The following CTNNA3 variants were observed in gnomAD, a reference collection of about 807,000 sequenced individuals.
The protein encoded by CTNNA3 is catenin alpha-3.
Under a neutral mutation model 95.7 loss-of-function variants are expected in CTNNA3, and 76 were observed. The observed-to-expected ratio is 0.79, with a 90% CI of 0.66 to 0.96. The LOEUF is 0.96. CTNNA3 is among the 40% of genes least tolerant of loss of function. The pLI is 0.00. For missense variants in CTNNA3, 1,191 were observed against 1,089.8 expected, an observed-to-expected ratio of 1.09 and a Z score of -1.31; for synonymous variants, 431 against 374.4, an observed-to-expected ratio of 1.15 and a Z score of -1.74.
chr10:67,597,199 T>G (rs1842958011), intron 3 of CTNNA3, among the ~76,000 whole-genome samples: 1 of 152,234 alleles, frequency 6.6e-6, no homozygotes, highest in Non-Finnish European at 1.5e-5. Flanking sequence ...TGGATTGGGT[T>G]TCAACTTTCT....
At chr10:67,538,574 C>A (rs1476111886) in intron 4 of CTNNA3, among the ~76,000 whole-genome samples, 20 of 140,138 alleles carry the variant, frequency 1.4e-4, no homozygotes, top group African/African-American at 5.0e-4. Flanking sequence ...TGCGAGACTC[C>A]ATCTCAAAAA....
intron 5 of CTNNA3, among the ~76,000 whole-genome samples, chr10:67,416,524 C>T (rs980306057): frequency 1.2e-4 from 18 of 144,794 alleles, no homozygotes; most frequent in East Asian, 8.9e-4. Flanking sequence ...AGGAGAATGG[C>T]GTGAACCCGG....
chr10:67,442,018 G>A (rs988349378), intron 5 of CTNNA3, among the ~76,000 whole-genome samples: 1 of 152,074 alleles, frequency 6.6e-6, no homozygotes, highest in African/African-American at 2.4e-5. Flanking sequence ...AGTGCAATAA[G>A]GCATAAGCAG....
intron 5 of CTNNA3, among the ~76,000 whole-genome samples, chr10:67,509,881 A>G (rs1421015634): frequency 1.3e-5 from 2 of 152,176 alleles, no homozygotes; most frequent in Admixed American, 1.3e-4. Context: ...AATGACTGCC[A>G]TTCTAACTGG....
intron 12 of CTNNA3, among the ~76,000 whole-genome samples, chr10:66,305,620 TC>T (rs1354448142): frequency 2.0e-5 from 3 of 152,170 alleles, no homozygotes. Flanking sequence ...GGTGAAGTCT[TC>T]CTGTTCATGA....
intron 13 of CTNNA3, among the ~76,000 whole-genome samples, chr10:66,117,196 G>C (rs1242644713): frequency 6.6e-6 from 1 of 152,012 alleles, no homozygotes; most frequent in Non-Finnish European, 1.5e-5. Context: ...TGATAGCCTT[G>C]GGGTTTTATA....
chr10:67,088,570 C>G (rs564123870), intron 7 of CTNNA3, among the ~76,000 whole-genome samples: 2 of 151,922 alleles, frequency 1.3e-5, no homozygotes, highest in South Asian at 2.1e-4. Context: ...TGCAAGACAC[C>G]CATAAAGCTA....
chr10:66,530,726 A>G (rs1841436674), intron 10 of CTNNA3, among the ~76,000 whole-genome samples: 1 of 152,128 alleles, frequency 6.6e-6, no homozygotes, highest in Non-Finnish European at 1.5e-5. Context: ...CCTTTTTTGT[A>G]ATCTTCTTAC....
At chr10:65,978,864 A>G (rs955462511) in intron 16 of CTNNA3, among the ~76,000 whole-genome samples, 3 of 152,182 alleles carry the variant, frequency 2.0e-5, no homozygotes, top group African/African-American at 7.2e-5. Context: ...TGCCTATGAC[A>G]GCTGCTGTTT....
chr10:66,704,143 T>C (rs1391891588), intron 9 of CTNNA3, among the ~76,000 whole-genome samples: 1 of 152,150 alleles, frequency 6.6e-6, no homozygotes, highest in East Asian at 1.9e-4. Context: ...GTTAGCTGTA[T>C]ACGGTGTTTT....
chr10:66,428,510 A>T (rs10997119), intron 11 of CTNNA3, among the ~76,000 whole-genome samples: 17,800 of 152,026 alleles, frequency 0.12, 1,510 homozygotes, highest in African/African-American at 0.24. Flanking sequence ...GAAGTAAAGC[A>T]CTCCTCAGCA....
At chr10:66,706,605 A>C (rs1848126011) in intron 9 of CTNNA3, among the ~76,000 whole-genome samples, 2 of 152,170 alleles carry the variant, frequency 1.3e-5, no homozygotes, top group African/African-American at 4.8e-5. Flanking sequence ...CTGTTGTTTA[A>C]ACTGATGGAA....
At chr10:66,726,555 A>G (rs1848788177) in intron 9 of CTNNA3, among the ~76,000 whole-genome samples, 1 of 152,130 alleles carries the variant, frequency 6.6e-6, no homozygotes. Flanking sequence ...ACCAAAAAAT[A>G]AACTGGAAAG....
intron 7 of CTNNA3, among the ~76,000 whole-genome samples, chr10:67,033,591 T>C (rs1181452769): frequency 1.3e-5 from 2 of 152,180 alleles, no homozygotes; most frequent in Non-Finnish European, 2.9e-5. Flanking sequence ...CGAGCACTGT[T>C]CTAACTACAT....
chr10:66,583,342 A>G (rs1843255775), intron 10 of CTNNA3, among the ~76,000 whole-genome samples: 1 of 151,286 alleles, frequency 6.6e-6, no homozygotes, highest in African/African-American at 2.4e-5. Flanking sequence ...TTTCTAAATT[A>G]CTGATTAAAT....
chr10:66,275,720 A>G (rs1432974411), intron 13 of CTNNA3, among the ~76,000 whole-genome samples: 3 of 152,176 alleles, frequency 2.0e-5, no homozygotes, highest in African/African-American at 7.2e-5. Flanking sequence ...GACTATCTGA[A>G]ACTGTAAAAG....
At chr10:66,942,040 G>T (rs539497887) in intron 7 of CTNNA3, among the ~76,000 whole-genome samples, 1 of 152,142 alleles carries the variant, frequency 6.6e-6, no homozygotes, top group South Asian at 2.1e-4. Flanking sequence ...TAGCCTGGTA[G>T]CACGGCATGG....
intron 7 of CTNNA3, among the ~76,000 whole-genome samples, chr10:67,071,076 G>A (rs920274132): frequency 7.2e-5 from 11 of 152,026 alleles, no homozygotes; most frequent in Admixed American, 2.0e-4. Flanking sequence ...TCTTACTTTT[G>A]CAATGGTATT....
rs761851664 is a variant in CTNNA3, at chr10:66,508,180, G to GTT, written c.1531+12435_1531+12436dup. 3.2e-3 allele frequency among the ~76,000 whole-genome samples: 369 copies of GTT among 114,656 alleles called. 5 individuals carry two copies. Among genetic ancestry groups the GTT allele is most frequent in the Middle Eastern group, 9.8e-3 (2 of 204 alleles). The allele number at this position is 114,656 out of a possible 152,430, so 75.2% of individuals were successfully genotyped here. On this transcript the variant is annotated intron_variant, in intron 11 of 17. Transcript: ENST00000433211. ...GTGTGGTGGTGCAGGAGCAGCTCTT[G>GTT]TTTTTTTTTTTTGTTTTGTTTTGTT... is the stretch of plus-strand genomic sequence containing the variant.
Sources: allele counts gnomAD v4.1 joint callset (sites outside exome capture counted in the v4.1 genomes callset), GRCh38; gene constraint gnomAD v4.1.1; transcripts MANE v1.5; gene names NCBI Gene and HGNC (gene_info 2026-07-23, HGNC 2026-07-21).